LPIN3: variants seen among roughly 807,000 people sequenced by gnomAD.
LPIN3 encodes the protein phosphatidate phosphatase LPIN3.
In LPIN3, 82 loss-of-function variants were observed where a neutral mutation model predicts 94.7. The ratio of observed to expected loss-of-function variants is 0.87; its 90% CI spans 0.72 to 1.04. The LOEUF (loss-of-function observed/expected upper bound fraction) is 1.04, where lower values mean the gene tolerates loss of function less well. LPIN3 is among the 50% of genes least tolerant of loss of function. The pLI is 0.00. For missense variants in LPIN3, 996 were observed against 1,090.5 expected, an observed-to-expected ratio of 0.91 and a Z score of 1.22; for synonymous variants, 418 against 443.3, an observed-to-expected ratio of 0.94 and a Z score of 0.72.
chr20:41,359,020 A>G lies in LPIN3; in HGVS notation c.*154A>G. On this transcript the variant is annotated 3_prime_UTR_variant, in exon 20 of 20. Coordinates refer to ENST00000373257, the MANE Select transcript of LPIN3 (RefSeq NM_022896.3). ...GGTTGGCAGCTAGAGAGACTCCCCC[A>G]TCTTCCCCGTCATATTTTTGCCAGC... 2 of 869,946 alleles carry G rather than the reference A, an allele frequency of 2.3e-6. No homozygotes were observed. Among genetic ancestry groups the G allele is most frequent in the Non-Finnish European group, 3.5e-6 (2 of 574,438 alleles). 53.9% of individuals were successfully genotyped at this position (869,946 alleles called of 1,614,324 possible). A position where few individuals can be genotyped will look rare whatever the true frequency, so the allele number is the denominator to read the frequency against.
chr20:41,346,656 G>T (rs968812893), intron 2 of LPIN3, among the ~76,000 whole-genome samples: 2 of 152,282 alleles, frequency 1.3e-5, no homozygotes, highest in African/African-American at 4.8e-5. Flanking sequence ...CAGGAGAATC[G>T]CTTGAATCCA....
At chr20:41,342,002 C>A (rs1273304759) in intron 1 of LPIN3, among the ~76,000 whole-genome samples, 1 of 152,120 alleles carries the variant, frequency 6.6e-6, no homozygotes, top group Non-Finnish European at 1.5e-5. Context: ...TAAAAGAAGT[C>A]CAAACTCTCA....
rs1474729443 is a variant in LPIN3 at position 41,359,019 on chromosome 20, CA to C, written c.*154del. 3 of 887,572 alleles carry C rather than the reference CA, an allele frequency of 3.4e-6. No individual in the cohort carries two copies. The highest frequency in any genetic ancestry group is 5.1e-6 in the Non-Finnish European group (3 of 587,542). 55.0% of individuals were successfully genotyped at this position (887,572 alleles called of 1,614,324 possible). On this transcript the variant is annotated 3_prime_UTR_variant, in exon 20 of 20. Transcript: ENST00000373257. ...TGGTTGGCAGCTAGAGAGACTCCCC[CA>C]TCTTCCCCGTCATATTTTTGCCAGC...
intron 1 of LPIN3, among the ~76,000 whole-genome samples, chr20:41,344,131 T>C (rs188746015): frequency 2.4e-3 from 371 of 152,228 alleles, no homozygotes; most frequent in African/African-American, 8.6e-3. Flanking sequence ...GAGTTGGGCC[T>C]AAGTTTCTGT....
At chr20:41,353,239 C>G (rs1354705283) in intron 11 of LPIN3, among the ~76,000 whole-genome samples, 2 of 152,216 alleles carry the variant, frequency 1.3e-5, no homozygotes, top group Non-Finnish European at 2.9e-5. Flanking sequence ...GGAAGTTGCA[C>G]CCTTCACCTT....
Position 41,345,857 on chromosome 20 carries a change from G to T in LPIN3, c.54G>T (p.Leu18=). Residue 18 remains leucine, a synonymous_variant, in exon 2 of 20, where the codon CTG becomes CTT. Transcript: ENST00000373257. ...CGGTGTTTGGGACGGTGAAGGAGCT[G>T]TACCGGGGCCTGAACCCAGCCACAC... ...AETVFGTVKE[L]YRGLNPATLS... The T allele has an allele frequency of 6.2e-7, 1 of 1,614,246 alleles. No homozygotes were observed. The highest frequency in any genetic ancestry group is 8.5e-7 in the Non-Finnish European group (1 of 1,180,044).
rs147950317 is a variant in LPIN3, at chr20:41,349,796, T to A, written c.661T>A (p.Ser221Thr). ...QASLSAGELTSPKSDSELEVR... is the reference protein window; with the variant it reads ...QASLSAGELTTPKSDSELEVR... ...CAGCCTCTCAGCAGGTGAGCTAACA[T>A]CCCCTAAGAGCGACTCGGAGCTGGA... The change falls in exon 6 of 20, where the codon TCC (serine) becomes ACC (threonine). Residue 221 changes from serine to threonine, a missense_variant. Physicochemically the swap from Ser to Thr is moderately conservative, Grantham distance 58. Coordinates refer to ENST00000373257, the MANE Select transcript of LPIN3 (RefSeq NM_022896.3). 3.2e-5 allele frequency: 51 copies of A among 1,613,158 alleles called. No individual in the cohort carries two copies. The highest frequency in any genetic ancestry group is 4.3e-5 in the Non-Finnish European group (51 of 1,179,886).
chr20:41,350,113 C>A lies in LPIN3; in HGVS notation c.818C>A (p.Thr273Asn). 6.2e-7 allele frequency: 1 copy of A among 1,611,430 alleles called. No homozygotes were observed. The highest frequency in any genetic ancestry group is 8.5e-7 in the Non-Finnish European group (1 of 1,178,946). ...SVVLEGRAGA[T>N]SPPRGGPSTP... ...GTCCTTGAAGGCAGAGCTGGGGCAA[C>A]CTCTCCTCCTCGGGGAGGACCCAGC... is the stretch of plus-strand genomic sequence containing the variant. Residue 273 changes from threonine to asparagine, a missense_variant, in exon 7 of 20, where the codon ACC (threonine) becomes AAC (asparagine). Coordinates refer to ENST00000373257, the MANE Select transcript of LPIN3 (RefSeq NM_022896.3).
Position 41,352,101 on chromosome 20 carries a change from G to A in LPIN3, c.1244G>A (p.Ser415Asn), listed in dbSNP as rs1458357287. Residue 415 changes from serine to asparagine, a missense_variant, in exon 9 of 20, where the codon AGT becomes AAT. By Grantham distance (46) the Ser-to-Asn change is conservative. Coordinates refer to ENST00000373257, the MANE Select transcript of LPIN3 (RefSeq NM_022896.3). ...GCCAGAAGATGGAGTGAACCCAGCAGTCAGAAGTCCCTGAGGGACCCCAAC... is the reference window on the plus strand; with the variant it reads ...GCCAGAAGATGGAGTGAACCCAGCAATCAGAAGTCCCTGAGGGACCCCAAC... ...LGARRWSEPS[S>N]QKSLRDPNPE... is the part of the protein sequence containing the mutation. 8.1e-6 allele frequency: 13 copies of A among 1,614,240 alleles called. No individual in the cohort carries two copies. Among genetic ancestry groups the A allele is most frequent in the Admixed American group, 5.0e-5 (3 of 60,028 alleles).
chr20:41,352,730 C>T (rs569368090), intron 10 of LPIN3, 31 bp downstream of exon 10: 37 of 1,612,232 alleles, frequency 2.3e-5, no homozygotes, highest in Middle Eastern at 1.6e-4. Flanking sequence ...TGCTGGCAGC[C>T]GGAGAGTCAT....
chr20:41,343,026 C>A (rs2045643996), intron 1 of LPIN3, among the ~76,000 whole-genome samples: 1 of 152,130 alleles, frequency 6.6e-6, no homozygotes, highest in East Asian at 1.9e-4. Context: ...TTAAAAATGT[C>A]TGAAGACAAT....
At chr20:41,357,238 G>A (rs773600700) in intron 15 of LPIN3, 50 bp downstream of exon 15, 73 of 1,609,196 alleles carry the variant, frequency 4.5e-5, no homozygotes, top group South Asian at 5.5e-5. Context: ...TTGTGGACTC[G>A]CCTCCCTCTG....
chr20:41,347,759 C>A, intron 3 of LPIN3, 112 bp downstream of exon 3: 1 of 890,002 alleles, frequency 1.1e-6, no homozygotes, highest in Non-Finnish European at 1.7e-6. Context: ...AGCACCCCAC[C>A]AGCAGAGGTC....
Position 41,351,924 on chromosome 20 carries a change from C to T in LPIN3, c.1202+4C>T. ...CAGCGCTTTACTTCCCCCAAAGGTGCCTGGGTTCTGGATGCCAGGGTGTCT... is the reference window on the plus strand; with the variant it reads ...CAGCGCTTTACTTCCCCCAAAGGTGTCTGGGTTCTGGATGCCAGGGTGTCT... On this transcript the variant is annotated splice_donor_region_variant and intron_variant, in intron 8 of 19. Transcript: ENST00000373257. 6.2e-7 allele frequency: 1 copy of T among 1,614,234 alleles called. No homozygotes were observed. Among genetic ancestry groups the T allele is most frequent in the Non-Finnish European group, 8.5e-7 (1 of 1,180,024 alleles).
intron 8 of LPIN3, 28 bp downstream of exon 8, chr20:41,351,948 C>T (rs749620666): frequency 9.3e-6 from 15 of 1,613,810 alleles, no homozygotes; most frequent in Non-Finnish European, 1.3e-5. Flanking sequence ...GCCAGGGTGT[C>T]TTGGGTCTGG....
chr20:41,347,650 G>A lies in LPIN3; in HGVS notation c.288+3G>A, dbSNP rs369062386. On this transcript the variant is annotated splice_donor_region_variant and intron_variant, in intron 3 of 19. Coordinates refer to ENST00000373257, the MANE Select transcript of LPIN3 (RefSeq NM_022896.3). ...TTCAGGAGCTGGAGAGCGATGATGT[G>A]AGTCTGCCCTCCTAACAGCACCTGC... 5.6e-6 allele frequency: 9 copies of A among 1,611,978 alleles called. No homozygotes were observed. Among genetic ancestry groups the A allele is most frequent in the Non-Finnish European group, 6.8e-6 (8 of 1,178,774 alleles).
intron 3 of LPIN3, among the ~76,000 whole-genome samples, chr20:41,348,121 GA>G (rs770026622): frequency 4.6e-5 from 7 of 152,158 alleles, no homozygotes; most frequent in Non-Finnish European, 7.4e-5. Context: ...AACAGAACTT[GA>G]AAAACTTTGA....
In LPIN3 at chr20:41,352,930, C is replaced by T. The variant is rs8119824; in HGVS notation, c.1527+63C>T. ...TAGCCATAGACTCAGGGCACGGAGA[C>T]CCTTAGCAAGGAAGTGAAGGGTGAG... On this transcript the variant is annotated intron_variant, in intron 11 of 19. Coordinates refer to ENST00000373257, the MANE Select transcript of LPIN3 (RefSeq NM_022896.3). 15,077 of 1,570,844 alleles carry T rather than the reference C, an allele frequency of 9.6e-3. 1,276 individuals carry two copies. In the African/African-American group the frequency reaches 0.18, roughly 19 times the overall value.
Position 41,359,090 on chromosome 20 carries a change from C to A in LPIN3, c.*224C>A. ...GCGTCAGTGTGGCACTGTCCTGGGG[C>A]AATTAGCTTGTCATCTGGGCCCTTG... On this transcript the variant is annotated 3_prime_UTR_variant, in exon 20 of 20. Transcript: ENST00000373257. 2.7e-6 allele frequency: 1 copy of A among 363,852 alleles called. No individual in the cohort carries two copies. Among genetic ancestry groups the A allele is most frequent in the Non-Finnish European group, 4.9e-6 (1 of 205,030 alleles). 22.5% of individuals were successfully genotyped at this position (363,852 alleles called of 1,614,324 possible).
Sources: allele counts gnomAD v4.1 joint callset (sites outside exome capture counted in the v4.1 genomes callset), GRCh38; gene constraint gnomAD v4.1.1; transcripts MANE v1.5; gene names NCBI Gene and HGNC (gene_info 2026-07-23, HGNC 2026-07-21).